The following ATXN7 variants were observed in gnomAD, a reference collection of about 807,000 sequenced individuals.
The protein encoded by ATXN7 is ataxin-7.
In ATXN7, 12 loss-of-function variants were observed where a neutral mutation model predicts 70.5. The observed-to-expected ratio is 0.17, with a 90% confidence interval of 0.11 to 0.28. The LOEUF (loss-of-function observed/expected upper bound fraction) is 0.28, where lower values mean the gene tolerates loss of function less well. Ranked by LOEUF, ATXN7 falls within the 10% of genes least tolerant of loss-of-function variation. ATXN7 has a pLI of 1.00. For missense variants in ATXN7, 1,256 were observed against 1,131.7 expected (o/e 1.11, Z -1.58); for synonymous variants, 498 against 448.7 (o/e 1.11, Z -1.39).
intron 12 of ATXN7, 125 bp downstream of exon 12, chr3:63,996,608 G>GC: frequency 6.1e-6 from 3 of 489,696 alleles, no homozygotes; most frequent in African/African-American, 2.4e-5. Context: ...CAGCTTCATG[G>GC]TGTCTTCTTA....
At chr3:63,903,722 C>T (rs2107275467) in intron 2 of ATXN7, 1 of 152,244 alleles carries the variant, frequency 6.6e-6, no homozygotes, top group South Asian at 2.1e-4. Context: ...AACTGAGGTA[C>T]AGATGAAAAA....
At chr3:63,911,959 A>G (rs1010089253) in intron 2 of ATXN7, 1 of 152,100 alleles carries the variant, frequency 6.6e-6, no homozygotes, top group Non-Finnish European at 1.5e-5. Flanking sequence ...CGGCTCCTCC[A>G]TAGGTGGCTG....
intron 5 of ATXN7, chr3:63,968,523 G>C (rs549421584): frequency 6.6e-6 from 1 of 152,266 alleles, no homozygotes; most frequent in Non-Finnish European, 1.5e-5. Context: ...TTTGAAAGCT[G>C]TTTTGTCAGA....
At chr3:63,974,577 TA>T (rs1575973458) in intron 5 of ATXN7, among the ~76,000 whole-genome samples, 1 of 152,260 alleles carries the variant, frequency 6.6e-6, no homozygotes, top group African/African-American at 2.4e-5. Context: ...TTGAGTCCTT[TA>T]AAAGCCTTGG....
chr3:63,879,296 T>G (rs1702838070), intron 1 of ATXN7, among the ~76,000 whole-genome samples: 1 of 152,188 alleles, frequency 6.6e-6, no homozygotes, highest in African/African-American at 2.4e-5. Flanking sequence ...AAAGACCTTC[T>G]GTTGGGGCAT....
At chr3:63,916,582 G>C (rs1172605301) in intron 4 of ATXN7, among the ~76,000 whole-genome samples, 3 of 152,138 alleles carry the variant, frequency 2.0e-5, no homozygotes, top group African/African-American at 7.2e-5. Context: ...TCTTGATTTA[G>C]ATGGAGGGAA....
chr3:63,967,675 G>T, intron 5 of ATXN7: 1 of 910,222 alleles, frequency 1.1e-6, no homozygotes, highest in Non-Finnish European at 1.5e-6. Flanking sequence ...CTTTCCAATA[G>T]AAAGATTAAT....
chr3:63,863,429 C>G, upstream of ATXN7: 4 of 1,102,806 alleles, frequency 3.6e-6, no homozygotes, highest in Non-Finnish European at 4.4e-6. Flanking sequence ...CTGGTCCCAC[C>G]CGCCCTTGCA....
At chr3:63,965,184 T>G (rs924860548) in intron 5 of ATXN7, among the ~76,000 whole-genome samples, 13 of 152,166 alleles carry the variant, frequency 8.5e-5, no homozygotes, top group African/African-American at 2.9e-4. Flanking sequence ...ATCCAGTTTC[T>G]CCTTGGTTGT....
chr3:63,997,659 A>T, intron 12 of ATXN7: 1 of 1,552,294 alleles, frequency 6.4e-7, no homozygotes, highest in Non-Finnish European at 8.7e-7. Flanking sequence ...GAATTTCAGC[A>T]ACATCACCCC....
chr3:63,933,110 A>G (rs949313924), intron 4 of ATXN7, among the ~76,000 whole-genome samples: 1 of 152,194 alleles, frequency 6.6e-6, no homozygotes, highest in African/African-American at 2.4e-5. Flanking sequence ...TAAAGAGGTA[A>G]TGTCAAAGTG....
intron 5 of ATXN7, among the ~76,000 whole-genome samples, chr3:63,953,208 G>T (rs1037966269): frequency 2.6e-5 from 4 of 152,116 alleles, no homozygotes; most frequent in African/African-American, 7.2e-5. Context: ...GCTTGCAATA[G>T]AGTAACATTG....
At chr3:63,863,476 C>A, upstream of ATXN7, 1 of 1,165,142 alleles carries the variant, frequency 8.6e-7, no homozygotes, top group Admixed American at 4.7e-5. Flanking sequence ...CGTGTGTTCC[C>A]AGCCCACCGA....
At chr3:63,914,835 A>G (rs1418030263) in intron 4 of ATXN7, among the ~76,000 whole-genome samples, 3 of 152,214 alleles carry the variant, frequency 2.0e-5, no homozygotes, top group African/African-American at 7.2e-5. Context: ...CTGTTGGGAT[A>G]CTTTTATCAG....
At chr3:63,882,187 AACCC>A (rs1454457922) in intron 1 of ATXN7, among the ~76,000 whole-genome samples, 2 of 152,118 alleles carry the variant, frequency 1.3e-5, no homozygotes, top group Non-Finnish European at 2.9e-5. Flanking sequence ...CAGATTCCCT[AACCC>A]AGATGGATGG....
chr3:63,916,825 A>G (rs1427249634), intron 4 of ATXN7, among the ~76,000 whole-genome samples: 2 of 152,154 alleles, frequency 1.3e-5, no homozygotes, highest in African/African-American at 4.8e-5. Context: ...GTATTGCCTT[A>G]TTCTTGTTCT....
At chr3:63,948,223 G>A (rs533413436) in intron 4 of ATXN7, among the ~76,000 whole-genome samples, 1 of 152,312 alleles carries the variant, frequency 6.6e-6, no homozygotes, top group South Asian at 2.1e-4. Context: ...AACTGGGTGT[G>A]CTAGTGGCCT....
intron 4 of ATXN7, among the ~76,000 whole-genome samples, chr3:63,939,170 G>A (rs2107358256): frequency 6.6e-6 from 1 of 152,118 alleles, no homozygotes; most frequent in Middle Eastern, 3.4e-3. Flanking sequence ...TCTCAGACCT[G>A]GCATTCTTCC....
chr3:63,890,346 T>C (rs1411722907), intron 1 of ATXN7, among the ~76,000 whole-genome samples: 1 of 152,208 alleles, frequency 6.6e-6, no homozygotes, highest in African/African-American at 2.4e-5. Context: ...AATTTAGACA[T>C]GTAAGACCCA....
Sources: gnomAD v4.1 joint callset for allele counts (sites outside exome capture counted in the v4.1 genomes callset) on GRCh38, gnomAD v4.1.1 for gene constraint, MANE v1.5 for transcripts, NCBI Gene and HGNC (gene_info 2026-07-23, HGNC 2026-07-21) for gene names.